Variants in ABCA13 observed in about 807,000 individuals in gnomAD.
The protein encoded by ABCA13 is ATP-binding cassette sub-family A member 13.
A neutral mutation model predicts 478.7 loss-of-function variants in ABCA13; 476 were observed. That is an observed-to-expected ratio of 0.99 (90% CI 0.92 to 1.07). The LOEUF is 1.07. ABCA13 is among the 50% of genes least tolerant of loss of function. ABCA13 has a pLI of 0.00. For missense variants in ABCA13, 6,060 were observed against 5,910.6 expected, an observed-to-expected ratio of 1.03 and a Z score of -0.83; for synonymous variants, 2,252 against 2,158.9, an observed-to-expected ratio of 1.04 and a Z score of -1.20.
At chr7:48,268,850 CTTTTTTTTT>C (rs57201740) in intron 15 of ABCA13, 121 bp from the exon 16 acceptor site, 3 of 245,574 alleles carry the variant, frequency 1.2e-5, no homozygotes, top group Admixed American at 6.9e-5. Context: ...TCCTACTCAT[CTTTTTTTTT>C]TTTTTTTTTT....
chr7:48,577,186 A>T (rs1336892948), intron 55 of ABCA13, among the ~76,000 whole-genome samples: 1 of 152,088 alleles, frequency 6.6e-6, no homozygotes, highest in East Asian at 1.9e-4. Flanking sequence ...GGAGAGGAGC[A>T]AATTAAATTG....
chr7:48,405,586 A>G (rs894495204), intron 39 of ABCA13, among the ~76,000 whole-genome samples: 14 of 152,330 alleles, frequency 9.2e-5, no homozygotes, highest in African/African-American at 3.1e-4. Context: ...CGGAAGATCA[A>G]TGGGAGATAG....
intron 35 of ABCA13, among the ~76,000 whole-genome samples, chr7:48,382,594 T>C (rs1388804468): frequency 6.6e-6 from 1 of 152,216 alleles, no homozygotes; most frequent in East Asian, 1.9e-4. Flanking sequence ...TTGTCTGAAT[T>C]TCAAAATTAA....
At chr7:48,366,607 G>A (rs995786777) in intron 31 of ABCA13, among the ~76,000 whole-genome samples, 18 of 152,138 alleles carry the variant, frequency 1.2e-4, no homozygotes, top group East Asian at 5.8e-4. Context: ...AACTCATGGC[G>A]GAAAGTGTAA....
intron 56 of ABCA13, among the ~76,000 whole-genome samples, chr7:48,581,633 G>T (rs1038797460): frequency 1.3e-5 from 2 of 152,198 alleles, no homozygotes; most frequent in Admixed American, 6.5e-5. Context: ...GTTAATGTAG[G>T]TCGGTGCTTT....
At chr7:48,239,707 C>A (rs758219380) in intron 9 of ABCA13, among the ~76,000 whole-genome samples, 5 of 152,184 alleles carry the variant, frequency 3.3e-5, no homozygotes, top group Non-Finnish European at 7.3e-5. Flanking sequence ...ATGAGATTGC[C>A]CTGGAGTACT....
intron 19 of ABCA13, among the ~76,000 whole-genome samples, chr7:48,284,274 C>G (rs1797430489): frequency 6.6e-6 from 1 of 152,022 alleles, no homozygotes; most frequent in Non-Finnish European, 1.5e-5. Context: ...AGAAGTGGGA[C>G]AAGCTTGATT....
chr7:48,631,757 A>G (rs1274814679), intron 59 of ABCA13, among the ~76,000 whole-genome samples: 1 of 152,048 alleles, frequency 6.6e-6, no homozygotes, highest in Non-Finnish European at 1.5e-5. Context: ...GATTGCTTTT[A>G]GAAATGTGGT....
intron 52 of ABCA13, among the ~76,000 whole-genome samples, chr7:48,518,227 C>T (rs1275616006): frequency 6.6e-6 from 1 of 152,186 alleles, no homozygotes; most frequent in East Asian, 1.9e-4. Flanking sequence ...CAATTTCCCT[C>T]CTCCCTCATC....
At position 48,274,882 on chromosome 7, in the gene ABCA13, T is replaced by C; in HGVS notation, c.5216T>C (p.Val1739Ala). ...LQLSRLFPKDVVDAVIDVYYV... is the reference protein window; with the variant it reads ...LQLSRLFPKDAVDAVIDVYYV... ...CTCTCACGCCTGTTTCCTAAAGATG[T>C]TGTGGATGCTGTGATAGATGTGTAC... Residue 1739 changes from valine (V) to alanine (A), a missense_variant, in exon 17 of 62, where the codon GTT becomes GCT. Around this residue, in one of 3 missense-constraint regions of ABCA13, gnomAD observed 4,423 missense variants for 4,309.1 expected, o/e 1.03. Transcript: ENST00000435803. 6.2e-7 allele frequency: 1 copy of C among 1,613,952 alleles called. No homozygotes were observed. The highest frequency in any genetic ancestry group is 8.5e-7 in the Non-Finnish European group (1 of 1,179,854).
chr7:48,539,579 T>C (rs920981892), intron 55 of ABCA13, among the ~76,000 whole-genome samples: 4 of 152,218 alleles, frequency 2.6e-5, no homozygotes, highest in African/African-American at 9.6e-5. Flanking sequence ...GGTTTTCATG[T>C]ATTTGTTTCC....
intron 48 of ABCA13, among the ~76,000 whole-genome samples, chr7:48,493,962 T>G (rs1254324511): frequency 1.3e-5 from 2 of 152,174 alleles, no homozygotes; most frequent in Non-Finnish European, 2.9e-5. Context: ...GGAGTCAGTT[T>G]AGAGATATCC....
rs146132204 is a variant in ABCA13 at position 48,284,484 on chromosome 7, C to A, written c.8836+3032C>A. ...CATGATTTCAGCATTTGGAAGTGTG[C>A]TCAGGTAAAATTCAAATCAAACTTC... On this transcript the variant is annotated intron_variant, in intron 19 of 61. Coordinates refer to ENST00000435803, the MANE Select transcript of ABCA13 (RefSeq NM_152701.5). Among the ~76,000 whole-genome samples, 151 of 152,226 alleles carry A rather than the reference C, an allele frequency of 9.9e-4. 1 individual carries two copies. Among genetic ancestry groups the A allele is most frequent in the African/African-American group, 3.3e-3 (138 of 41,540 alleles).
At chr7:48,217,821 C>T (rs2128959119) in intron 3 of ABCA13, among the ~76,000 whole-genome samples, 2 of 152,298 alleles carry the variant, frequency 1.3e-5, no homozygotes, top group Middle Eastern at 3.4e-3. Flanking sequence ...GTGGCCTTCT[C>T]TTGATCTCCC....
At position 48,646,561 on chromosome 7, in the gene ABCA13, C is replaced by A. The variant is rs1049914434; in HGVS notation, c.*1049C>A. The A allele has an allele frequency of 5.3e-5, 8 of 151,774 alleles. No individual in the cohort carries two copies. Among genetic ancestry groups the A allele is most frequent in the African/African-American group, 1.9e-4 (8 of 41,270 alleles). The allele number at this position is 151,774 out of a possible 1,614,324, so 9.4% of individuals were successfully genotyped here. A position where few individuals can be genotyped will look rare whatever the true frequency, so the allele number is the denominator to read the frequency against. On this transcript the variant is annotated 3_prime_UTR_variant, in exon 62 of 62. Coordinates refer to ENST00000435803, the MANE Select transcript of ABCA13 (RefSeq NM_152701.5). ...TTGAGGCGGAGTCTCGCTCTGTCAC[C>A]CAGGCTGGAGTGCAGTGGCGCGATG...
intron 57 of ABCA13, 71 bp downstream of exon 57, chr7:48,587,359 G>C: frequency 6.9e-7 from 1 of 1,442,410 alleles, no homozygotes; most frequent in Non-Finnish European, 9.2e-7. Context: ...TGATTTTAAG[G>C]GTTTTTCTGG....
At chr7:48,268,615 T>C (rs1248874500) in intron 15 of ABCA13, among the ~76,000 whole-genome samples, 1 of 152,228 alleles carries the variant, frequency 6.6e-6, no homozygotes, top group Admixed American at 6.5e-5. Flanking sequence ...GGTTTCTAGC[T>C]GTCTTTCAGA....
chr7:48,318,510 GT>G (rs71991953), intron 27 of ABCA13, among the ~76,000 whole-genome samples: 8,127 of 133,808 alleles, frequency 0.061, 517 homozygotes, highest in African/African-American at 0.19. Context: ...TAACTTTTTA[GT>G]TTTTTTTTTT....
intron 55 of ABCA13, among the ~76,000 whole-genome samples, chr7:48,569,283 C>G (rs1008581975): frequency 5.3e-5 from 8 of 152,020 alleles, no homozygotes; most frequent in South Asian, 2.1e-4. Flanking sequence ...ACCTTTTTAG[C>G]TGAATACCAT....
Sources: gnomAD v4.1 joint callset for allele counts (sites outside exome capture counted in the v4.1 genomes callset) on GRCh38, gnomAD v4.1.1 for gene constraint, gnomAD v4.1.1 regional missense constraint, MANE v1.5 for transcripts, NCBI Gene and HGNC (gene_info 2026-07-23, HGNC 2026-07-21) for gene names.